The following XYLT1 variants were observed in gnomAD, a reference collection of about 807,000 sequenced individuals.
The protein encoded by XYLT1 is beta-D-xylosyltransferase 1.
In XYLT1, 36 loss-of-function variants were observed where a neutral mutation model predicts 91.3. The ratio of observed to expected loss-of-function variants is 0.39; its 90% CI spans 0.30 to 0.52. The LOEUF (loss-of-function observed/expected upper bound fraction) is 0.52, where lower values mean the gene tolerates loss of function less well. XYLT1 is among the 20% of genes least tolerant of loss of function. The probability of loss-of-function intolerance (pLI) is 0.68; values close to 1 mark genes in which losing one functional copy is unlikely to be tolerated. For missense variants in XYLT1, 1,242 were observed against 1,284.5 expected (o/e 0.97, Z 0.51); for synonymous variants, 588 against 532.0 (o/e 1.11, Z -1.45).
chr16:17,396,336 C>T (rs2035886492), intron 1 of XYLT1, among the ~76,000 whole-genome samples: 1 of 152,172 alleles, frequency 6.6e-6, no homozygotes, highest in Admixed American at 6.5e-5. Flanking sequence ...AGTCTGAAAG[C>T]TCAGCTGGGT....
chr16:17,443,988 C>A lies in XYLT1; in HGVS notation c.363+26446G>T, dbSNP rs1022141739. Among the ~76,000 whole-genome samples, 16 of 152,196 alleles carry A rather than the reference C, an allele frequency of 1.1e-4. No homozygotes were observed. The East Asian group carries it at 1.2e-3, about 11-fold the overall frequency. ...CCCACTGACCCCTCTTCCTTTCCCC[C>A]ACCAGGCTCCCCTCACTCAATGACC... On this transcript the variant is annotated intron_variant, in intron 1 of 11. Coordinates refer to ENST00000261381, the MANE Select transcript of XYLT1 (RefSeq NM_022166.4).
intron 1 of XYLT1, among the ~76,000 whole-genome samples, chr16:17,430,468 G>C (rs1388809240): frequency 6.6e-6 from 1 of 152,142 alleles, no homozygotes; most frequent in African/African-American, 2.4e-5. Flanking sequence ...TGTTTCCCTG[G>C]AGAACCAAAC....
In XYLT1 at chr16:17,470,546, C is replaced by A; in HGVS notation, c.251G>T (p.Gly84Val). The A allele has an allele frequency of 1.6e-6, 2 of 1,222,580 alleles. No homozygotes were observed. Among genetic ancestry groups the A allele is most frequent in the Non-Finnish European group, 2.0e-6 (2 of 982,482 alleles). 75.7% of individuals were successfully genotyped at this position (1,222,580 alleles called of 1,614,324 possible). A position where few individuals can be genotyped will look rare whatever the true frequency, so the allele number is the denominator to read the frequency against. ...CCCCCGTCCTCCTCCTCCTCCGCCG[C>A]CGCCTCCTCCTCCTCCTCGGGCTGC... ...PAAARGGGGG[G>V]GGGGGGRGPQ... Residue 84 changes from glycine to valine, a missense_variant, in exon 1 of 12, where the codon GGC becomes GTC. This residue lies in a region of XYLT1 where 437 missense variants were observed against 411.5 expected (regional missense o/e 1.06). Coordinates refer to ENST00000261381, the MANE Select transcript of XYLT1 (RefSeq NM_022166.4).
At chr16:17,440,000 TA>T (rs2036512352) in intron 1 of XYLT1, among the ~76,000 whole-genome samples, 1 of 152,202 alleles carries the variant, frequency 6.6e-6, no homozygotes, top group African/African-American at 2.4e-5. Flanking sequence ...AGGTGCATCT[TA>T]GGTGCTGTCT....
intron 1 of XYLT1, among the ~76,000 whole-genome samples, chr16:17,424,030 G>A (rs1217002327): frequency 6.6e-6 from 1 of 152,194 alleles, no homozygotes; most frequent in Non-Finnish European, 1.5e-5. Flanking sequence ...CCAAGAAGGG[G>A]CAGGAAGTCC....
intron 8 of XYLT1, among the ~76,000 whole-genome samples, chr16:17,135,971 T>C (rs2141509904): frequency 6.6e-6 from 1 of 152,342 alleles, no homozygotes; most frequent in African/African-American, 2.4e-5. Flanking sequence ...ACCCCTTGTG[T>C]AGGGCTGCGG....
chr16:17,354,691 T>G (rs1230259500), intron 2 of XYLT1: 1 of 152,200 alleles, frequency 6.6e-6, no homozygotes, highest in Admixed American at 6.5e-5. Context: ...GGTACATCTG[T>G]CACCTAACCT....
chr16:17,439,509 T>C (rs2036506164), intron 1 of XYLT1, among the ~76,000 whole-genome samples: 1 of 152,220 alleles, frequency 6.6e-6, no homozygotes, highest in Admixed American at 6.5e-5. Context: ...ATTTATGCAA[T>C]GTTTATTTGA....
intron 1 of XYLT1, among the ~76,000 whole-genome samples, chr16:17,454,956 C>T (rs1285130114): frequency 1.5e-5 from 2 of 129,296 alleles, no homozygotes; most frequent in Non-Finnish European, 3.1e-5. Context: ...CCATCCTTAG[C>T]TCACAGGCCA....
chr16:17,397,629 C>G (rs2141897832), intron 1 of XYLT1, among the ~76,000 whole-genome samples: 1 of 152,050 alleles, frequency 6.6e-6, no homozygotes, highest in African/African-American at 2.4e-5. Flanking sequence ...CCTGCCAACC[C>G]AGGCAGACAA....
At chr16:17,372,469 G>A (rs1596509147) in intron 1 of XYLT1, among the ~76,000 whole-genome samples, 1 of 152,268 alleles carries the variant, frequency 6.6e-6, no homozygotes, top group East Asian at 1.9e-4. Context: ...AGTGTCAATG[G>A]CAGACAGAAT....
At chr16:17,138,724 T>C (rs2030864820) in intron 7 of XYLT1, 193 bp from the exon 8 acceptor site, 1 of 565,520 alleles carries the variant, frequency 1.8e-6, no homozygotes, top group Non-Finnish European at 3.0e-6. Flanking sequence ...CTCTTTTCTT[T>C]ATAAATTACC....
chr16:17,385,359 AAT>A (rs2035736270), intron 1 of XYLT1, among the ~76,000 whole-genome samples: 1 of 151,168 alleles, frequency 6.6e-6, no homozygotes, highest in African/African-American at 2.4e-5. Flanking sequence ...CAGAGGCTGT[AAT>A]ATCTTATTTG....
intron 2 of XYLT1, among the ~76,000 whole-genome samples, chr16:17,273,962 A>G (rs2033934064): frequency 6.6e-6 from 1 of 150,816 alleles, no homozygotes; most frequent in South Asian, 2.1e-4. Context: ...TCCAGGCTGG[A>G]GCGCAGTAGC....
At chr16:17,278,803 G>C (rs1273748775) in intron 2 of XYLT1, among the ~76,000 whole-genome samples, 3 of 152,154 alleles carry the variant, frequency 2.0e-5, no homozygotes, top group Admixed American at 2.0e-4. Flanking sequence ...AGGAAGCAAG[G>C]GGCAAGGCTG....
At chr16:17,307,902 G>A (rs571811283) in intron 2 of XYLT1, among the ~76,000 whole-genome samples, 32 of 152,318 alleles carry the variant, frequency 2.1e-4, no homozygotes, top group African/African-American at 7.5e-4. Flanking sequence ...GCTGGGGTCT[G>A]CAGAGGGACT....
At chr16:17,188,621 T>C (rs2032241776) in intron 5 of XYLT1, among the ~76,000 whole-genome samples, 1 of 152,230 alleles carries the variant, frequency 6.6e-6, no homozygotes, top group South Asian at 2.1e-4. Context: ...AAAGTGCTCA[T>C]AGATCCTTCA....
At chr16:17,294,380 CAT>C (rs2034280337) in intron 2 of XYLT1, among the ~76,000 whole-genome samples, 1 of 152,152 alleles carries the variant, frequency 6.6e-6, no homozygotes, top group Non-Finnish European at 1.5e-5. Context: ...CGTCAGAGGG[CAT>C]GTTACTGCTC....
intron 2 of XYLT1, among the ~76,000 whole-genome samples, chr16:17,317,976 C>T (rs943790771): frequency 6.6e-6 from 1 of 152,200 alleles, no homozygotes; most frequent in Admixed American, 6.5e-5. Context: ...AGTTAATTAC[C>T]TACCCCACAC....
Sources: gnomAD v4.1 joint callset for allele counts (sites outside exome capture counted in the v4.1 genomes callset) on GRCh38, gnomAD v4.1.1 for gene constraint, gnomAD v4.1.1 regional missense constraint, MANE v1.5 for transcripts, NCBI Gene and HGNC (gene_info 2026-07-23, HGNC 2026-07-21) for gene names.